UNC13C: variants seen among roughly 807,000 people sequenced by gnomAD.
UNC13C encodes protein unc-13 homolog C.
A neutral mutation model predicts 245.4 loss-of-function variants in UNC13C; 174 were observed. That is an observed-to-expected ratio of 0.71 (90% confidence interval 0.63 to 0.80). UNC13C has a LOEUF of 0.80. Among genes scored for constraint, UNC13C ranks in the 30% least tolerant of loss-of-function variants. The probability of loss-of-function intolerance (pLI) is 0.00; values close to 1 mark genes in which losing one functional copy is unlikely to be tolerated. For synonymous variants in UNC13C, 992 were observed against 895.1 expected (o/e 1.11, Z -1.93); for missense variants, 2,829 against 2,602.9 (o/e 1.09, Z -1.89).
chr15:54,173,712 T>A (rs1243781625), intron 4 of UNC13C, among the ~76,000 whole-genome samples: 11 of 152,240 alleles, frequency 7.2e-5, no homozygotes, highest in African/African-American at 1.9e-4. Flanking sequence ...TTTCTTTTCT[T>A]GCCTTAATGA....
At chr15:53,984,583 G>A (rs1003764946) in intron 1 of UNC13C, among the ~76,000 whole-genome samples, 4 of 152,052 alleles carry the variant, frequency 2.6e-5, no homozygotes, top group Admixed American at 6.6e-5. Flanking sequence ...CAGAGTTTAC[G>A]GGAGGATTAA....
intron 4 of UNC13C, among the ~76,000 whole-genome samples, chr15:54,208,294 T>A (rs1319935283): frequency 1.8e-4 from 28 of 152,012 alleles, no homozygotes; most frequent in Admixed American, 1.3e-3. Context: ...AGGCCCCACC[T>A]CCAACACTGG....
At chr15:53,858,898 C>T in the UNC13C span, among the ~76,000 whole-genome samples, 1 of 152,036 alleles carries the variant, frequency 6.6e-6, no homozygotes, top group Non-Finnish European at 1.5e-5. Flanking sequence ...TGGTCATAGT[C>T]ACATGATTCA....
intron 2 of UNC13C, among the ~76,000 whole-genome samples, chr15:54,048,413 C>T (rs185531490): frequency 1.1e-4 from 16 of 152,292 alleles, no homozygotes; most frequent in Middle Eastern, 3.4e-3. Context: ...AATTCCAGTG[C>T]CCTTTTCAGT....
chr15:54,034,136 T>A (rs1896476278), intron 2 of UNC13C, among the ~76,000 whole-genome samples: 1 of 152,202 alleles, frequency 6.6e-6, no homozygotes, highest in Non-Finnish European at 1.5e-5. Context: ...CCAGCCTTCT[T>A]TGCCAGCAGG....
At chr15:54,329,355 G>A (rs1476438632) in intron 14 of UNC13C, among the ~76,000 whole-genome samples, 1 of 151,608 alleles carries the variant, frequency 6.6e-6, no homozygotes, top group Non-Finnish European at 1.5e-5. Context: ...TTGCCCTATT[G>A]TGCTACCAAA....
intron 19 of UNC13C, among the ~76,000 whole-genome samples, chr15:54,445,055 A>G (rs1044986140): frequency 6.8e-6 from 1 of 146,428 alleles, no homozygotes; most frequent in African/African-American, 2.5e-5. Context: ...TATGAGTGAG[A>G]ATATGCAGTG....
chr15:53,952,739 A>T, the UNC13C span, among the ~76,000 whole-genome samples: 1 of 152,238 alleles, frequency 6.6e-6, no homozygotes, highest in Admixed American at 6.5e-5. Context: ...AAGATGACCC[A>T]GGCAAACTGA....
intron 19 of UNC13C, among the ~76,000 whole-genome samples, chr15:54,428,529 C>T (rs1004327109): frequency 2.0e-4 from 31 of 151,536 alleles, no homozygotes; most frequent in African/African-American, 6.5e-4. Flanking sequence ...AGTAGAGCCA[C>T]CCTCAATCTA....
chr15:54,387,629 T>C (rs1160493982), intron 17 of UNC13C, among the ~76,000 whole-genome samples: 1 of 152,144 alleles, frequency 6.6e-6, no homozygotes, highest in Non-Finnish European at 1.5e-5. Context: ...TTCTAACCTA[T>C]GAACTTCTAT....
chr15:53,884,914 T>C, the UNC13C span, among the ~76,000 whole-genome samples: 30,603 of 152,058 alleles, frequency 0.2, 3,459 homozygotes, highest in Non-Finnish European at 0.25. Context: ...TTGCCAGAAG[T>C]TCAGGGGAAG....
At chr15:54,269,447 A>G (rs2036629639) in intron 10 of UNC13C, among the ~76,000 whole-genome samples, 1 of 152,274 alleles carries the variant, frequency 6.6e-6, no homozygotes, top group South Asian at 2.1e-4. Flanking sequence ...AGAGAATAAA[A>G]TTTCTAGAAA....
intron 30 of UNC13C, among the ~76,000 whole-genome samples, chr15:54,578,744 T>G (rs1445370623): frequency 1.3e-5 from 2 of 152,200 alleles, no homozygotes; most frequent in African/African-American, 2.4e-5. Flanking sequence ...ATCCTAACAC[T>G]TTGGGAGACC....
the UNC13C span, among the ~76,000 whole-genome samples, chr15:53,841,589 G>A: frequency 6.6e-6 from 1 of 152,106 alleles, no homozygotes; most frequent in African/African-American, 2.4e-5. Flanking sequence ...CCTACTGCAT[G>A]AAATTTTGAA....
intron 1 of UNC13C, among the ~76,000 whole-genome samples, chr15:54,011,031 G>T (rs190230565): frequency 3.0e-4 from 46 of 152,284 alleles, no homozygotes; most frequent in African/African-American, 1.1e-3. Flanking sequence ...TTGGGTGGTT[G>T]CTGAAATGGT....
At position 54,448,862 on chromosome 15, in the gene UNC13C, C is replaced by T. The variant is rs543910644; in HGVS notation, c.4933+33795C>T. Among the ~76,000 whole-genome samples, 9 of 152,288 alleles carry T rather than the reference C, an allele frequency of 5.9e-5. No individual in the cohort carries two copies. In the South Asian group the frequency reaches 1.9e-3, roughly 32 times the overall value. The stretch of plus-strand genomic sequence containing the variant: ...TGCTTGTTAGTTGATGCAGTTTCTT[C>T]CTAGCCTCGATGGTCTTTACAATTT... On this transcript the variant is annotated intron_variant, in intron 19 of 32. Transcript: ENST00000260323.
upstream of UNC13C, among the ~76,000 whole-genome samples, chr15:53,975,520 C>G (rs1179214967): frequency 6.6e-6 from 1 of 152,208 alleles, no homozygotes; most frequent in Non-Finnish European, 1.5e-5. Context: ...TTCTAAAACA[C>G]TGAAAACACA....
At chr15:54,295,084 T>A (rs1316130966) in intron 11 of UNC13C, among the ~76,000 whole-genome samples, 1 of 152,168 alleles carries the variant, frequency 6.6e-6, no homozygotes, top group Non-Finnish European at 1.5e-5. Context: ...TGTACTCTTA[T>A]GTATTGGAGT....
intron 2 of UNC13C, among the ~76,000 whole-genome samples, chr15:54,095,582 C>T (rs1899813329): frequency 3.3e-5 from 5 of 152,210 alleles, no homozygotes. Flanking sequence ...CACCTGGTAG[C>T]TTGAAGAAAT....
Sources: gnomAD v4.1 joint callset for allele counts (sites outside exome capture counted in the v4.1 genomes callset) on GRCh38, gnomAD v4.1.1 for gene constraint, MANE v1.5 for transcripts, NCBI Gene and HGNC (gene_info 2026-07-23, HGNC 2026-07-21) for gene names.